The following NUP93 variants were observed in gnomAD, a reference collection of about 807,000 sequenced individuals.
The protein encoded by NUP93 is nucleoporin 93, also known as nuclear pore complex protein Nup93.
In NUP93, 55 loss-of-function variants were observed where a neutral mutation model predicts 107.8. The observed-to-expected ratio is 0.51, with a 90% confidence interval of 0.41 to 0.64. NUP93 has a LOEUF of 0.64. Ranked by LOEUF, NUP93 falls within the 30% of genes least tolerant of loss-of-function variation. The pLI, the probability that NUP93 is intolerant of heterozygous loss-of-function variation, is 0.00. For synonymous variants in NUP93, 390 were observed against 397.5 expected, an observed-to-expected ratio of 0.98 and a Z score of 0.22; for missense variants, 937 against 1,044.7, an observed-to-expected ratio of 0.90 and a Z score of 1.42.
intron 3 of NUP93, among the ~76,000 whole-genome samples, chr16:56,767,878 T>G (rs1284698014): frequency 6.6e-6 from 1 of 152,204 alleles, no homozygotes; most frequent in East Asian, 1.9e-4. Context: ...ATGAATATAG[T>G]GGTGGGTGTT....
At chr16:56,822,098 CAAAAA>C (rs71381135) in intron 7 of NUP93, among the ~76,000 whole-genome samples, 1 of 52,020 alleles carries the variant, frequency 1.9e-5, no homozygotes, top group Non-Finnish European at 4.2e-5. Flanking sequence ...CCATAAGGGG[CAAAAA>C]AAAAAAAAAA....
Position 56,834,734 on chromosome 16 carries a change from T to C in NUP93, c.1738T>C (p.Phe580Leu), listed in dbSNP as rs1963875754. The change falls in exon 16 of 22, where the codon TTC becomes CTC. Residue 580 changes from phenylalanine to leucine, a missense_variant and splice_region_variant. By Grantham distance (22) the Phe-to-Leu change is conservative. Transcript: ENST00000308159. Reference sequence around the variant, plus strand: ...TGAGTAAACTTTTTTCCTTCCACAGTTCGATATGATTCTTGGGAAACTAGA... The same window carrying C: ...TGAGTAAACTTTTTTCCTTCCACAGCTCGATATGATTCTTGGGAAACTAGA... ...VSELVIESRE[F>L]DMILGKLEND... is the part of the protein sequence containing the mutation. 4 of 1,611,688 alleles carry C rather than the reference T, an allele frequency of 2.5e-6. No homozygotes were observed. The Middle Eastern group carries it at 5.0e-4, about 200-fold the overall frequency.
At chr16:56,808,891 C>A (rs1243484115) in intron 5 of NUP93, among the ~76,000 whole-genome samples, 2 of 149,930 alleles carry the variant, frequency 1.3e-5, no homozygotes, top group African/African-American at 4.9e-5. Flanking sequence ...TATTAAAGCA[C>A]CCTGTCCCCA....
At chr16:56,789,919 T>A (rs1962718801) in intron 3 of NUP93, among the ~76,000 whole-genome samples, 1 of 152,052 alleles carries the variant, frequency 6.6e-6, no homozygotes, top group Non-Finnish European at 1.5e-5. Flanking sequence ...GCCAACATGA[T>A]GAAAACCCGT....
intron 3 of NUP93, among the ~76,000 whole-genome samples, chr16:56,794,164 CAG>C (rs773875353): frequency 6.6e-4 from 101 of 152,168 alleles, no homozygotes; most frequent in Middle Eastern, 3.4e-3. Context: ...TTTGAAAAGA[CAG>C]AACACGTGTG....
chr16:56,770,027 T>A (rs1411415708), intron 3 of NUP93, among the ~76,000 whole-genome samples: 1 of 152,226 alleles, frequency 6.6e-6, no homozygotes, highest in African/African-American at 2.4e-5. Context: ...ATTATTCACG[T>A]CTAAGAGTAT....
At chr16:56,774,913 T>G (rs1393987545) in intron 3 of NUP93, among the ~76,000 whole-genome samples, 2 of 151,656 alleles carry the variant, frequency 1.3e-5, no homozygotes, top group African/African-American at 4.8e-5. Context: ...GTTTTTTTTT[T>G]TTTTGAGACA....
intron 4 of NUP93, 87 bp downstream of exon 4, chr16:56,798,625 T>A: frequency 1.8e-6 from 2 of 1,087,956 alleles, no homozygotes; most frequent in Middle Eastern, 2.0e-4. Context: ...CCTAACACTT[T>A]GGGAGGCTGA....
At chr16:56,783,207 G>A (rs192814150) in intron 3 of NUP93, among the ~76,000 whole-genome samples, 61 of 152,292 alleles carry the variant, frequency 4.0e-4, no homozygotes, top group African/African-American at 1.2e-3. Context: ...GGACCTGTGG[G>A]GTCTGGACCT....
intron 1 of NUP93, among the ~76,000 whole-genome samples, chr16:56,742,385 C>T (rs1961753355): frequency 6.6e-6 from 1 of 152,148 alleles, no homozygotes; most frequent in Non-Finnish European, 1.5e-5. Context: ...GTTTTTACGT[C>T]TTTGGATCCT....
chr16:56,815,892 GCTGCTGGTGC>G (rs1963415781), intron 5 of NUP93, among the ~76,000 whole-genome samples: 2 of 139,010 alleles, frequency 1.4e-5, no homozygotes, highest in South Asian at 4.8e-4. Context: ...TGCTGCTGCT[GCTGCTGGTGC>G]TGCTGCTGCT....
At position 56,833,278 on chromosome 16, in the gene NUP93, C is replaced by T. The variant is rs374772646; in HGVS notation, c.1409C>T (p.Ala470Val). 168 of 1,607,334 alleles carry T rather than the reference C, an allele frequency of 1.0e-4. No individual in the cohort carries two copies. The Admixed American group carries it at 2.2e-3, about 21-fold the overall frequency. ...FLYFQVLFLT[A>V]QFEAAVAFLF... ...TACTTCCAAGTCCTGTTCCTGACAGCGCAGTTTGAAGCAGCAGTTGCCTTT... is the reference window on the plus strand; with the variant it reads ...TACTTCCAAGTCCTGTTCCTGACAGTGCAGTTTGAAGCAGCAGTTGCCTTT... The change falls in exon 13 of 22, where the codon GCG (alanine) becomes GTG (valine). Residue 470 changes from alanine to valine, a missense_variant. Ala to Val is a moderately conservative substitution (Grantham distance 64, BLOSUM62 0). Coordinates refer to ENST00000308159, the MANE Select transcript of NUP93 (RefSeq NM_014669.5).
At chr16:56,733,699 A>G (rs1469546165) in intron 1 of NUP93, among the ~76,000 whole-genome samples, 2 of 152,126 alleles carry the variant, frequency 1.3e-5, no homozygotes, top group African/African-American at 4.8e-5. Flanking sequence ...GTTGGGCTGG[A>G]CATAGAGATA....
At chr16:56,771,160 C>T (rs1962315341) in intron 3 of NUP93, among the ~76,000 whole-genome samples, 1 of 152,116 alleles carries the variant, frequency 6.6e-6, no homozygotes, top group Non-Finnish European at 1.5e-5. Context: ...AGTAATAGGC[C>T]TGGAACTTTG....
chr16:56,759,716 C>T (rs1425284824), intron 3 of NUP93, among the ~76,000 whole-genome samples: 2 of 151,864 alleles, frequency 1.3e-5, no homozygotes, highest in African/African-American at 4.8e-5. Context: ...TAGCCCCCCT[C>T]CCCCGTACAA....
At chr16:56,813,769 T>G (rs1963363224) in intron 5 of NUP93, among the ~76,000 whole-genome samples, 1 of 152,260 alleles carries the variant, frequency 6.6e-6, no homozygotes, top group Admixed American at 6.5e-5. Flanking sequence ...GCATTATGTT[T>G]TTTGTTTTAC....
At chr16:56,798,173 G>C (rs888017681) in intron 3 of NUP93, among the ~76,000 whole-genome samples, 1 of 152,240 alleles carries the variant, frequency 6.6e-6, no homozygotes, top group Non-Finnish European at 1.5e-5. Context: ...TCTGCAATAT[G>C]AGCCATTTAG....
chr16:56,779,433 T>G (rs1962472930), intron 3 of NUP93, among the ~76,000 whole-genome samples: 1 of 152,218 alleles, frequency 6.6e-6, no homozygotes, highest in Admixed American at 6.5e-5. Context: ...TAGGGTTATG[T>G]AAAGCCAAAA....
intron 2 of NUP93, among the ~76,000 whole-genome samples, chr16:56,749,154 A>G (rs73555561): frequency 6.6e-6 from 1 of 152,292 alleles, no homozygotes; most frequent in African/African-American, 2.4e-5. Flanking sequence ...TGAATTAGAC[A>G]TGGTTCTTGC....
Sources: allele counts gnomAD v4.1 joint callset (sites outside exome capture counted in the v4.1 genomes callset), GRCh38; gene constraint gnomAD v4.1.1; transcripts MANE v1.5; gene names NCBI Gene and HGNC (gene_info 2026-07-23, HGNC 2026-07-21).